The following RANBP2 variants were observed in gnomAD, a reference collection of about 807,000 sequenced individuals.
RANBP2 encodes E3 SUMO-protein ligase RanBP2.
A neutral mutation model predicts 303.6 loss-of-function variants in RANBP2; 57 were observed. That is an observed-to-expected ratio of 0.19 (90% CI 0.15 to 0.23). RANBP2 has a LOEUF of 0.23. Among genes scored for constraint, RANBP2 ranks in the 10% least tolerant of loss-of-function variants. The pLI, the probability that RANBP2 is intolerant of heterozygous loss-of-function variation, is 1.00. For synonymous variants in RANBP2, 1,167 were observed against 1,301.5 expected (o/e 0.90, Z 2.23); for missense variants, 3,138 against 3,780.8 (o/e 0.83, Z 4.46).
chr2:109,278,176 TA>T, the RANBP2 span, among the ~76,000 whole-genome samples: 801 of 147,310 alleles, frequency 5.4e-3, 3 homozygotes, highest in African/African-American at 0.017. Flanking sequence ...GACCCAATCT[TA>T]AAAAAAAAAA....
the RANBP2 span, among the ~76,000 whole-genome samples, chr2:109,691,927 C>T: frequency 0.074 from 11,190 of 152,044 alleles, 475 homozygotes; most frequent in Middle Eastern, 0.11. Flanking sequence ...GGATTACAGG[C>T]GCCCGCCACC....
At chr2:109,252,921 G>T in the RANBP2 span, among the ~76,000 whole-genome samples, 4 of 152,220 alleles carry the variant, frequency 2.6e-5, no homozygotes, top group Non-Finnish European at 4.4e-5. Context: ...TCAGCCCATC[G>T]TAAGTAGGGG....
the RANBP2 span, among the ~76,000 whole-genome samples, chr2:109,156,421 G>T: frequency 6.6e-6 from 1 of 152,132 alleles, no homozygotes; most frequent in Admixed American, 6.5e-5. Context: ...ATTCAGGGGA[G>T]AGGATACACT....
chr2:108,831,787 C>G, the RANBP2 span, among the ~76,000 whole-genome samples: 2 of 150,100 alleles, frequency 1.3e-5, no homozygotes, highest in African/African-American at 2.5e-5. Flanking sequence ...GGCTGGAGCG[C>G]AATGGCATGA....
chr2:109,497,622 C>T, the RANBP2 span, among the ~76,000 whole-genome samples: 2 of 152,282 alleles, frequency 1.3e-5, no homozygotes, highest in African/African-American at 4.8e-5. Context: ...ACGACAACGG[C>T]GCTCTGTGTC....
the RANBP2 span, among the ~76,000 whole-genome samples, chr2:108,933,325 G>A: frequency 1.9e-3 from 295 of 152,268 alleles, 2 homozygotes; most frequent in South Asian, 0.025. Context: ...GGTCTGTATT[G>A]TCTGAGTGGT....
the RANBP2 span, among the ~76,000 whole-genome samples, chr2:109,663,786 G>T: frequency 6.6e-6 from 1 of 152,210 alleles, no homozygotes; most frequent in South Asian, 2.1e-4. Flanking sequence ...AAAGGGAACA[G>T]CCTCTGTGTT....
the RANBP2 span, among the ~76,000 whole-genome samples, chr2:108,954,413 C>T: frequency 9.2e-5 from 14 of 152,186 alleles, no homozygotes; most frequent in African/African-American, 3.4e-4. Flanking sequence ...CCCTCTCTCG[C>T]CCTGCAAACT....
At chr2:109,550,200 C>A in the RANBP2 span, among the ~76,000 whole-genome samples, 2 of 151,586 alleles carry the variant, frequency 1.3e-5, no homozygotes, top group African/African-American at 2.4e-5. Flanking sequence ...TGAGGCAGGA[C>A]AATTGCTTGA....
chr2:108,787,454 C>T (rs762236179), downstream of RANBP2, among the ~76,000 whole-genome samples: 4 of 152,140 alleles, frequency 2.6e-5, no homozygotes, highest in Non-Finnish European at 4.4e-5. Flanking sequence ...ATAGAAATAA[C>T]TTGTGCATTT....
chr2:109,308,830 TGTA>T, the RANBP2 span, among the ~76,000 whole-genome samples: 1 of 57,714 alleles, frequency 1.7e-5, no homozygotes. Flanking sequence ...ACTGTAGCCT[TGTA>T]GTATAGTTTG....
the RANBP2 span, among the ~76,000 whole-genome samples, chr2:109,159,729 C>T: frequency 6.6e-6 from 1 of 152,112 alleles, no homozygotes; most frequent in African/African-American, 2.4e-5. Context: ...GCTTGATTTC[C>T]ATCTTTTGTC....
intron 20 of RANBP2, chr2:108,769,160 TTGG>T (rs1041842685): frequency 1.1e-6 from 1 of 928,840 alleles, no homozygotes; most frequent in South Asian, 5.0e-5. Flanking sequence ...GACAATCAGA[TTGG>T]TGGTATAAAT....
At chr2:109,236,651 G>A in the RANBP2 span, among the ~76,000 whole-genome samples, 1 of 152,178 alleles carries the variant, frequency 6.6e-6, no homozygotes, top group Non-Finnish European at 1.5e-5. Context: ...GCCCAAATGG[G>A]GAGATTAAAG....
the RANBP2 span, among the ~76,000 whole-genome samples, chr2:108,845,045 C>T: frequency 1.3e-5 from 2 of 151,908 alleles, no homozygotes; most frequent in African/African-American, 4.8e-5. Context: ...TGTGCCTGGC[C>T]CACATTTTTT....
chr2:109,624,821 C>G, the RANBP2 span, among the ~76,000 whole-genome samples: 1 of 152,164 alleles, frequency 6.6e-6, no homozygotes, highest in African/African-American at 2.4e-5. Flanking sequence ...TGGCTCACTC[C>G]TGTAATCCCA....
chr2:109,313,306 G>T, the RANBP2 span, among the ~76,000 whole-genome samples: 8 of 152,338 alleles, frequency 5.3e-5, no homozygotes, highest in Admixed American at 2.0e-4. Context: ...CCATCCCAAG[G>T]GGGGAGGCTG....
chr2:109,637,574 G>T, the RANBP2 span, among the ~76,000 whole-genome samples: 2 of 152,184 alleles, frequency 1.3e-5, no homozygotes, highest in African/African-American at 4.8e-5. Flanking sequence ...ATTGAGACTA[G>T]AGAATGGCGA....
At chr2:108,847,021 T>G in the RANBP2 span, 1 of 752,638 alleles carries the variant, frequency 1.3e-6, no homozygotes, top group South Asian at 1.8e-5. Context: ...ATGTTGTACA[T>G]TTTCAGAATG....
Sources: allele counts gnomAD v4.1 joint callset (sites outside exome capture counted in the v4.1 genomes callset), GRCh38; gene constraint gnomAD v4.1.1; transcripts MANE v1.5; gene names NCBI Gene and HGNC (gene_info 2026-07-23, HGNC 2026-07-21).